The following TCOF1 variants were observed in gnomAD, a reference collection of about 807,000 sequenced individuals.
The protein encoded by TCOF1 is treacle protein.
In TCOF1, 33 loss-of-function variants were observed where a neutral mutation model predicts 149.0. The ratio of observed to expected loss-of-function variants is 0.22; its 90% CI spans 0.17 to 0.30. The LOEUF is 0.30. Among genes scored for constraint, TCOF1 ranks in the 10% least tolerant of loss-of-function variants. TCOF1 has a pLI of 1.00. For missense variants in TCOF1, 1,728 were observed against 1,840.7 expected, an observed-to-expected ratio of 0.94 and a Z score of 1.12; for synonymous variants, 789 against 738.8, an observed-to-expected ratio of 1.07 and a Z score of -1.10.
At chr5:150,388,562 T>C (rs192757947) in intron 18 of TCOF1, among the ~76,000 whole-genome samples, 1 of 152,308 alleles carries the variant, frequency 6.6e-6, no homozygotes, top group Admixed American at 6.5e-5. Flanking sequence ...ATTCTACCAA[T>C]GACAACAGGA....
intron 1 of TCOF1, among the ~76,000 whole-genome samples, chr5:150,358,642 G>C (rs1216077299): frequency 1.3e-5 from 2 of 152,110 alleles, no homozygotes; most frequent in Non-Finnish European, 2.9e-5. Context: ...TTCGAGACCA[G>C]CCTGGCCAAC....
At chr5:150,379,972 TG>T in intron 17 of TCOF1, 1 of 477,800 alleles carries the variant, frequency 2.1e-6, no homozygotes. Context: ...CTCGGGAGGC[TG>T]AGGCAGGAGA....
intron 23 of TCOF1, 59 bp downstream of exon 23, chr5:150,393,611 C>A: frequency 6.2e-7 from 1 of 1,604,972 alleles, no homozygotes; most frequent in South Asian, 1.1e-5. Context: ...GCAGTGGGCC[C>A]CTTCTTGCCC....
chr5:150,359,761 G>A lies in TCOF1; in HGVS notation c.109-1395G>A, dbSNP rs545080472. Among the ~76,000 whole-genome samples the A allele has an allele frequency of 1.1e-4, 17 of 152,300 alleles. No homozygotes were observed. The South Asian group carries it at 3.5e-3, about 32-fold the overall frequency. On this transcript the variant is annotated intron_variant, in intron 1 of 26. Coordinates refer to ENST00000643257, the MANE Select transcript of TCOF1 (RefSeq NM_001371623.1). The stretch of plus-strand genomic sequence containing the variant: ...TCATGGAGCACACATTCTAGTAGGA[G>A]CAGACAGGTGACAAATAGAAAAAGT...
intron 14 of TCOF1, 121 bp from the exon 15 acceptor site, chr5:150,378,784 C>A: frequency 2.1e-6 from 3 of 1,409,330 alleles, no homozygotes; most frequent in Non-Finnish European, 3.0e-6. Context: ...CAGGTTCACA[C>A]GCCTATTGCA....
Position 150,379,631 on chromosome 5 carries a change from G to C in TCOF1, c.2758G>C (p.Gly920Arg), listed in dbSNP as rs142439509. Residue 920 changes from glycine to arginine, a missense_variant, in exon 17 of 27, where the codon GGG becomes CGG. Physicochemically the swap from Gly to Arg is moderately radical, Grantham distance 125. Around this residue, in one of 2 missense-constraint regions of TCOF1, gnomAD observed 1,696 missense variants for 1,765.4 expected, o/e 0.96. Coordinates refer to ENST00000643257, the MANE Select transcript of TCOF1 (RefSeq NM_001371623.1). ...GAAPTPPGKT[G>R]PSAAQAGKQD... ...TGCCCCAACACCTCCTGGGAAGACA[G>C]GGCCTTCGGCTGCCCAGGCAGGGAA... 4 of 1,613,980 alleles carry C rather than the reference G, an allele frequency of 2.5e-6. No individual in the cohort carries two copies. The South Asian group carries it at 3.3e-5, about 13-fold the overall frequency.
At chr5:150,389,782 C>T (rs1767034475) in intron 18 of TCOF1, 105 bp from the exon 19 acceptor site, 2 of 1,596,262 alleles carry the variant, frequency 1.3e-6, no homozygotes, top group Non-Finnish European at 1.7e-6. Context: ...GCCCTGAGCA[C>T]AGCTCTAGAT....
intron 13 of TCOF1, 43 bp downstream of exon 13, chr5:150,376,373 C>A: frequency 1.2e-6 from 2 of 1,614,190 alleles, no homozygotes; most frequent in Non-Finnish European, 1.7e-6. Flanking sequence ...GCCGCCCCTA[C>A]GTGGTCCTTT....
At chr5:150,383,047 G>T in intron 17 of TCOF1, 1 of 1,531,856 alleles carries the variant, frequency 6.5e-7, no homozygotes, top group Non-Finnish European at 8.7e-7. Flanking sequence ...GCTTATCCAG[G>T]TCTTGTCCCC....
intron 24 of TCOF1, 81 bp downstream of exon 24, chr5:150,396,923 G>A: frequency 1.4e-6 from 2 of 1,477,970 alleles, no homozygotes; most frequent in East Asian, 2.5e-5. Context: ...GCCAGCACCT[G>A]GTCTCATTCC....
chr5:150,398,043 C>G (rs1037027036), intron 24 of TCOF1, among the ~76,000 whole-genome samples: 76 of 152,326 alleles, frequency 5.0e-4, no homozygotes, highest in African/African-American at 1.7e-3. Flanking sequence ...TTGCTTCAGC[C>G]CCCCAAATAG....
intron 21 of TCOF1, 29 bp from the exon 22 acceptor site, chr5:150,392,676 G>T (rs1445490502): frequency 6.2e-7 from 1 of 1,612,806 alleles, no homozygotes; most frequent in Non-Finnish European, 8.5e-7. Flanking sequence ...GCCACCTGGG[G>T]CTACCAACAG....
chr5:150,367,041 CATGCCTGTA>C lies in TCOF1; in HGVS notation c.305-800_305-792del, dbSNP rs941999701. Among the ~76,000 whole-genome samples the C allele has an allele frequency of 4.6e-5, 7 of 151,918 alleles. No homozygotes were observed. The South Asian group carries it at 1.5e-3, about 32-fold the overall frequency. On this transcript the variant is annotated intron_variant, in intron 3 of 26. Coordinates refer to ENST00000643257, the MANE Select transcript of TCOF1 (RefSeq NM_001371623.1). Reference sequence around the variant, plus strand: ...CACTGAGAAGCTGGGTGCGGTGGCTCATGCCTGTAATCCCAGCACTTTGGGAGGCCGAGG... The same window carrying C: ...CACTGAGAAGCTGGGTGCGGTGGCTCATCCCAGCACTTTGGGAGGCCGAGG...
At position 150,375,355 on chromosome 5, in the gene TCOF1, A is replaced by C; in HGVS notation, c.1505A>C (p.Lys502Thr). The change falls in exon 11 of 27, where the codon AAA becomes ACA. Residue 502 changes from lysine (K) to threonine (T), a missense_variant. Lys to Thr is a moderately conservative substitution (Grantham distance 78). This residue lies in a region of TCOF1 where 1,696 missense variants were observed against 1,765.4 expected (regional missense o/e 0.96). Coordinates refer to ENST00000643257, the MANE Select transcript of TCOF1 (RefSeq NM_001371623.1). ...GTCTCCCAGGTGAAGCCCTTGGGGAAAAGCCCCCAGGTGAAACCTGCCTCT... is the reference window on the plus strand; with the variant it reads ...GTCTCCCAGGTGAAGCCCTTGGGGACAAGCCCCCAGGTGAAACCTGCCTCT... Reference protein sequence around the residue: ...MNAAQVKPLGKSPQVKPASTM... With the variant: ...MNAAQVKPLGTSPQVKPASTM... The C allele has an allele frequency of 6.2e-7, 1 of 1,611,646 alleles. No homozygotes were observed. The highest frequency in any genetic ancestry group is 8.5e-7 in the Non-Finnish European group (1 of 1,179,408).
At chr5:150,359,085 G>A (rs1243648276) in intron 1 of TCOF1, among the ~76,000 whole-genome samples, 1 of 151,988 alleles carries the variant, frequency 6.6e-6, no homozygotes, top group Non-Finnish European at 1.5e-5. Flanking sequence ...GGTAGCTCAC[G>A]CCTGTAATCC....
rs976527413 is a variant in TCOF1 at position 150,393,710 on chromosome 5, A to G, written c.3784+158A>G. ...TTGTGGCCTTGCATTGGACCTGAAG[A>G]TGCTCATCAAAGTGCAGGTGGGGCC... On this transcript the variant is annotated intron_variant, in intron 23 of 26. Transcript: ENST00000643257. 8.0e-6 allele frequency: 8 copies of G among 995,850 alleles called. No individual in the cohort carries two copies. In the Admixed American group the frequency reaches 1.5e-4, roughly 19 times the overall value. The allele number at this position is 995,850 out of a possible 1,614,324, so 61.7% of individuals were successfully genotyped here.
chr5:150,375,164 G>A lies in TCOF1; in HGVS notation c.1488+1G>A, dbSNP rs766307810. 3 of 1,613,570 alleles carry A rather than the reference G, an allele frequency of 1.9e-6. No homozygotes were observed. In the South Asian group the frequency reaches 3.3e-5, roughly 18 times the overall value. On this transcript the variant is annotated splice_donor_variant, in intron 10 of 26. Coordinates refer to ENST00000643257, the MANE Select transcript of TCOF1 (RefSeq NM_001371623.1). LOFTEE classifies it high-confidence loss of function. ...ACTGGCAGCCATGAATGCAGCTCAG[G>A]TGAGGCTGGAAGCCGCCCTGCATGG...
intron 3 of TCOF1, among the ~76,000 whole-genome samples, chr5:150,367,199 G>A (rs184005909): frequency 6.6e-6 from 1 of 152,252 alleles, no homozygotes; most frequent in African/African-American, 2.4e-5. Context: ...CAGCTACTCA[G>A]GAGGCTGAGG....
chr5:150,386,683 C>T (rs1485008561), intron 17 of TCOF1, among the ~76,000 whole-genome samples: 3 of 152,238 alleles, frequency 2.0e-5, no homozygotes, highest in Non-Finnish European at 4.4e-5. Flanking sequence ...CCCTCCAGCT[C>T]TTCACTGGCC....
Sources: gnomAD v4.1 joint callset for allele counts (sites outside exome capture counted in the v4.1 genomes callset) on GRCh38, gnomAD v4.1.1 for gene constraint, gnomAD v4.1.1 regional missense constraint, MANE v1.5 for transcripts, NCBI Gene and HGNC (gene_info 2026-07-23, HGNC 2026-07-21) for gene names.